SRPK1: variants seen among roughly 807,000 people sequenced by gnomAD.
The protein encoded by SRPK1 is SRSF protein kinase 1, also known as SFRS protein kinase 1.
In SRPK1, 52 loss-of-function variants were observed where a neutral mutation model predicts 89.5. The ratio of observed to expected loss-of-function variants is 0.58; its 90% CI spans 0.46 to 0.73. SRPK1 has a LOEUF of 0.73. Ranked by LOEUF, SRPK1 falls within the 30% of genes least tolerant of loss-of-function variation. SRPK1 has a pLI of 0.00. For synonymous variants in SRPK1, 255 were observed against 270.2 expected (o/e 0.94, Z 0.55); for missense variants, 603 against 780.6 (o/e 0.77, Z 2.71).
chr6:35,874,541 T>C lies in SRPK1; in HGVS notation c.479-202A>G, dbSNP rs188405631. ...AGTCAATGAAAGCATTCATGAAACA[T>C]TAAATTGTGGGCGGCTGGCTTCATC... On this transcript the variant is annotated intron_variant, in intron 6 of 15. Transcript: ENST00000373825. 2.0e-3 allele frequency among the ~76,000 whole-genome samples: 304 copies of C among 152,384 alleles called. 2 individuals are homozygous for C. The highest frequency in any genetic ancestry group is 6.9e-3 in the African/African-American group (287 of 41,590).
chr6:35,849,817 A>G (rs1039038983), intron 13 of SRPK1, among the ~76,000 whole-genome samples: 3 of 152,230 alleles, frequency 2.0e-5, no homozygotes, highest in Non-Finnish European at 2.9e-5. Flanking sequence ...ACTGGTACCA[A>G]GTGTTTCAGA....
chr6:35,869,644 T>C lies in SRPK1; in HGVS notation c.1249A>G (p.Ile417Val), dbSNP rs201293031. Reference protein sequence around the residue: ...TSQETDSCTPITSEVSDTMVC... With the variant: ...TSQETDSCTPVTSEVSDTMVC... Reference sequence around the variant, plus strand: ...ATGGTGTCTGACACCTCAGATGTTATAGGTGTACAAGAGTCTGTTTCTTGA... The same window carrying C: ...ATGGTGTCTGACACCTCAGATGTTACAGGTGTACAAGAGTCTGTTTCTTGA... Residue 417 changes from isoleucine to valine, a missense_variant, in exon 11 of 16, where the codon ATA becomes GTA. Physicochemically the swap from Ile to Val is conservative, Grantham distance 29. Transcript: ENST00000373825. The C allele has an allele frequency of 4.4e-4, 716 of 1,614,008 alleles. 1 individual carries two copies. In the African/African-American group the frequency reaches 8.1e-3, roughly 18 times the overall value.
intron 14 of SRPK1, among the ~76,000 whole-genome samples, chr6:35,840,854 A>G (rs913489790): frequency 2.0e-5 from 3 of 152,218 alleles, no homozygotes; most frequent in South Asian, 2.1e-4. Context: ...GACTATTAGT[A>G]CTAACTGGTA....
rs1022201433 is a variant in SRPK1, at chr6:35,920,636, G to C, written c.14-108C>G. 3.2e-6 allele frequency: 3 copies of C among 937,370 alleles called. No individual in the cohort carries two copies. The African/African-American group carries it at 5.3e-5, about 17-fold the overall frequency. The allele number at this position is 937,370 out of a possible 1,614,324, so 58.1% of individuals were successfully genotyped here. ...CAGGCCCGGCTGCGGGGCCTGCCTC[G>C]GGGGCGGCTGCGGGCTCCGGCGAGG... On this transcript the variant is annotated intron_variant, in intron 1 of 15. Transcript: ENST00000373825.
chr6:35,880,302 G>C (rs1284059006), intron 6 of SRPK1, among the ~76,000 whole-genome samples: 1 of 152,014 alleles, frequency 6.6e-6, no homozygotes, highest in East Asian at 1.9e-4. Flanking sequence ...CCTGAAGTTA[G>C]GGTGATGGAA....
At chr6:35,866,368 A>G (rs1376555284) in intron 12 of SRPK1, among the ~76,000 whole-genome samples, 1 of 152,052 alleles carries the variant, frequency 6.6e-6, no homozygotes, top group Non-Finnish European at 1.5e-5. Flanking sequence ...GGCAGATCAC[A>G]AGGTCAGGAG....
chr6:35,884,050 A>T (rs558623920), intron 6 of SRPK1, among the ~76,000 whole-genome samples: 5 of 152,150 alleles, frequency 3.3e-5, no homozygotes, highest in East Asian at 1.9e-4. Context: ...TTATATTTTT[A>T]AAAAAATCTA....
At chr6:35,918,414 T>C (rs1421704777) in intron 2 of SRPK1, among the ~76,000 whole-genome samples, 1 of 151,826 alleles carries the variant, frequency 6.6e-6, no homozygotes, top group Non-Finnish European at 1.5e-5. Flanking sequence ...GGCAAGAGAA[T>C]TGCTTGAATC....
At chr6:35,866,585 A>T (rs901916306) in intron 12 of SRPK1, among the ~76,000 whole-genome samples, 5 of 151,446 alleles carry the variant, frequency 3.3e-5, no homozygotes, top group African/African-American at 7.3e-5. Flanking sequence ...GACTCCATTT[A>T]AAAAAAAAGA....
chr6:35,894,983 A>G (rs1205502087), intron 2 of SRPK1, among the ~76,000 whole-genome samples: 1 of 152,182 alleles, frequency 6.6e-6, no homozygotes, highest in East Asian at 1.9e-4. Context: ...AAGGCCTGAA[A>G]TGCATTTAAT....
intron 7 of SRPK1, among the ~76,000 whole-genome samples, 159 bp downstream of exon 7, chr6:35,874,074 G>A (rs1021548265): frequency 5.9e-5 from 9 of 151,808 alleles, no homozygotes; most frequent in East Asian, 1.9e-4. Context: ...TGATCTGCCC[G>A]CCTCGGCCTC....
chr6:35,854,930 T>G (rs1417216730), intron 13 of SRPK1, among the ~76,000 whole-genome samples: 1 of 152,212 alleles, frequency 6.6e-6, no homozygotes, highest in Non-Finnish European at 1.5e-5. Flanking sequence ...GAAAGAAGCC[T>G]GAGATTTTAT....
rs755087060 is a variant in SRPK1, at chr6:35,872,649, G to A, written c.665C>T (p.Ser222Leu). ...TDIKPENILL[S>L]VNEQYIRRLA... ...CCTCCGAATGTACTGCTCATTCACT[G>A]ACAATAAGATGTTCTCTGGTTTAAT... The change falls in exon 8 of 16, where the codon TCA (serine) becomes TTA (leucine). Residue 222 changes from serine (S) to leucine (L), a missense_variant. Coordinates refer to ENST00000373825, the MANE Select transcript of SRPK1 (RefSeq NM_003137.5). The A allele has an allele frequency of 3.1e-6, 5 of 1,612,414 alleles. No homozygotes were observed. The Admixed American group carries it at 8.4e-5, about 27-fold the overall frequency.
At chr6:35,920,738 G>C (rs1230199188) in intron 1 of SRPK1, 1 of 272,364 alleles carries the variant, frequency 3.7e-6, no homozygotes, top group Non-Finnish European at 6.7e-6. Flanking sequence ...GTCTCAGGCC[G>C]GGTCAGGGGG....
chr6:35,886,900 T>C (rs891861771), intron 5 of SRPK1, 89 bp from the exon 6 acceptor site: 2 of 707,330 alleles, frequency 2.8e-6, no homozygotes, highest in African/African-American at 3.6e-5. Flanking sequence ...GCAAATTAAC[T>C]ACAAGAAAGA....
intron 2 of SRPK1, among the ~76,000 whole-genome samples, chr6:35,906,104 A>G (rs559577050): frequency 1.3e-3 from 199 of 152,366 alleles, no homozygotes; most frequent in Admixed American, 3.1e-3. Context: ...GATTAAAAAA[A>G]GCAATCAAAG....
At chr6:35,853,105 T>C (rs1769590150) in intron 13 of SRPK1, among the ~76,000 whole-genome samples, 2 of 152,130 alleles carry the variant, frequency 1.3e-5, no homozygotes, top group South Asian at 2.1e-4. Context: ...GCCGAGTGGG[T>C]GGCACATGCC....
intron 5 of SRPK1, among the ~76,000 whole-genome samples, chr6:35,887,114 C>T (rs1341794206): frequency 6.6e-6 from 1 of 152,132 alleles, no homozygotes; most frequent in Admixed American, 6.5e-5. Context: ...GAAGATTTTG[C>T]AGGATGCAAA....
At chr6:35,895,435 T>TTGTGTG (rs10566123) in intron 2 of SRPK1, among the ~76,000 whole-genome samples, 216 of 147,968 alleles carry the variant, frequency 1.5e-3, no homozygotes, top group African/African-American at 5.0e-3. Context: ...AGGCATATGC[T>TTGTGTG]TGTGTGTGTG....
Sources: allele counts gnomAD v4.1 joint callset (sites outside exome capture counted in the v4.1 genomes callset), GRCh38; gene constraint gnomAD v4.1.1; transcripts MANE v1.5; gene names NCBI Gene and HGNC (gene_info 2026-07-23, HGNC 2026-07-21).